Variants in CDKN2B-AS1 observed in about 807,000 individuals in gnomAD.
The protein encoded by CDKN2B-AS1 is CDKN2B and CDKN2A antisense cis and trans regulatory RNA 1.
chr9:22,088,211 T>G (rs1187069839), intron 4 of CDKN2B-AS1, among the ~76,000 whole-genome samples: 1 of 152,118 alleles, frequency 6.6e-6, no homozygotes, highest in East Asian at 1.9e-4. Context: ...GAGAAGGGCT[T>G]AAAGAGCAAT....
chr9:22,048,965 A>T (rs1430846677), intron 2 of CDKN2B-AS1: 3 of 152,230 alleles, frequency 2.0e-5, no homozygotes, highest in Admixed American at 2.0e-4. Flanking sequence ...TATGCTTGCC[A>T]TTCTTTAAGA....
intron 1 of CDKN2B-AS1, chr9:22,031,060 TA>T (rs1006278367): frequency 2.0e-4 from 30 of 152,338 alleles, no homozygotes; most frequent in African/African-American, 5.8e-4. Context: ...TGGGGCATTT[TA>T]TTTTTTATGC....
chr9:22,008,022 T>A (rs918927921), intron 1 of CDKN2B-AS1, among the ~76,000 whole-genome samples: 1 of 152,162 alleles, frequency 6.6e-6, no homozygotes, highest in Non-Finnish European at 1.5e-5. Context: ...ACAAAAGAGT[T>A]GTCCGAGATT....
At chr9:22,012,085 G>A in intron 1 of CDKN2B-AS1, 1 of 679,216 alleles carries the variant, frequency 1.5e-6, no homozygotes. Flanking sequence ...ATATGACCTT[G>A]ATATAGAAGT....
Position 22,015,586 on chromosome 9 carries a change from A to T in CDKN2B-AS1, n.29+20425A>T, listed in dbSNP as rs1169493904. On this transcript the variant is annotated intron_variant and non_coding_transcript_variant, in intron 1 of 4. Transcript: ENST00000650946. ...TGTCATCTAAAAATATTGAATCTTC[A>T]ATTCATTAACATGAATTTATTCCCC... is the stretch of plus-strand genomic sequence containing the variant. Among the ~76,000 whole-genome samples, 9 of 152,120 alleles carry T rather than the reference A, an allele frequency of 5.9e-5. No homozygotes were observed. In the East Asian group the frequency reaches 1.7e-3, roughly 29 times the overall value.
chr9:22,066,382 A>G (rs1199481437), intron 4 of CDKN2B-AS1: 1 of 151,694 alleles, frequency 6.6e-6, no homozygotes, highest in African/African-American at 2.4e-5. Context: ...TTTTGTAGAT[A>G]GAGGTTCTCA....
At position 22,040,036 on chromosome 9, in the gene CDKN2B-AS1, A is replaced by G. The variant is rs1338059038; in HGVS notation, n.30-6715A>G. On this transcript the variant is annotated intron_variant and non_coding_transcript_variant, in intron 1 of 4. Transcript: ENST00000650946. The stretch of plus-strand genomic sequence containing the variant: ...TCACAAAATTAACAGAAGCTACGGA[A>G]GAGACCTTGAATAAATTCTTCCCTG... Among the ~76,000 whole-genome samples, 3 of 152,078 alleles carry G rather than the reference A, an allele frequency of 2.0e-5. No homozygotes were observed. The East Asian group carries it at 5.8e-4, about 29-fold the overall frequency.
chr9:22,074,357 C>T (rs1388218374), intron 4 of CDKN2B-AS1, among the ~76,000 whole-genome samples: 2 of 151,908 alleles, frequency 1.3e-5, no homozygotes, highest in Non-Finnish European at 2.9e-5. Context: ...AAAGTCAAGC[C>T]CAATTTATTT....
intron 4 of CDKN2B-AS1, among the ~76,000 whole-genome samples, chr9:22,086,246 T>C (rs117192166): frequency 2.0e-5 from 3 of 152,322 alleles, no homozygotes; most frequent in Non-Finnish European, 4.4e-5. Flanking sequence ...TCCTCTCTTC[T>C]CATATCTCAG....
At chr9:22,114,358 C>G (rs915024771) in intron 4 of CDKN2B-AS1, among the ~76,000 whole-genome samples, 8 of 152,120 alleles carry the variant, frequency 5.3e-5, no homozygotes, top group Non-Finnish European at 1.2e-4. Flanking sequence ...TGTGTTAGTT[C>G]AGGTCCTCTG....
chr9:22,051,272 T>A (rs1044938135), intron 3 of CDKN2B-AS1, among the ~76,000 whole-genome samples: 1 of 152,198 alleles, frequency 6.6e-6, no homozygotes, highest in African/African-American at 2.4e-5. Flanking sequence ...TTTCTATTTT[T>A]TAAACCCGAG....
rs1377452255 is a variant in CDKN2B-AS1, at chr9:22,006,159, C to T, written n.29+10998C>T. 1 of 1,611,590 alleles carries T rather than the reference C, an allele frequency of 6.2e-7. No homozygotes were observed. The highest frequency in any genetic ancestry group is 1.7e-5 in the Admixed American group (1 of 59,996). ...CTCCCGGGCAGCATCATGCACCGGT[C>T]GGGTGAGAGTGGCAGGGTCTGCGCA... On this transcript the variant is annotated intron_variant and non_coding_transcript_variant, in intron 1 of 4. Transcript: ENST00000650946. This position sits in a 1 kb window ranked among gnomAD's most constrained non-coding sequence, Gnocchi z 6.4.
intron 1 of CDKN2B-AS1, among the ~76,000 whole-genome samples, chr9:22,036,430 T>A (rs574879417): frequency 7.2e-5 from 11 of 152,240 alleles, no homozygotes; most frequent in African/African-American, 2.6e-4. Context: ...GTCATTTTAA[T>A]TCTAGAGGTA....
intron 1 of CDKN2B-AS1, among the ~76,000 whole-genome samples, chr9:22,013,383 G>T (rs1353717472): frequency 6.6e-6 from 1 of 152,068 alleles, no homozygotes; most frequent in African/African-American, 2.4e-5. Flanking sequence ...TTTGAATAAG[G>T]ATTAAAATAA....
At chr9:22,114,409 C>T (rs901426890) in intron 4 of CDKN2B-AS1, among the ~76,000 whole-genome samples, 4 of 152,114 alleles carry the variant, frequency 2.6e-5, no homozygotes, top group East Asian at 3.9e-4. Context: ...GCAAGAGATT[C>T]GCCGAGGTAA....
Position 22,039,700 on chromosome 9 carries a change from C to T in CDKN2B-AS1, n.30-7051C>T, listed in dbSNP as rs1484258964. 6.6e-6 allele frequency among the ~76,000 whole-genome samples: 1 copy of T among 151,926 alleles called. No individual in the cohort carries two copies. Among genetic ancestry groups the T allele is most frequent in the African/African-American group, 2.4e-5 (1 of 41,386 alleles). ...GAGCAATTAGCTATGGCACACTGCA[C>T]GGTTTTTCTGACCTCTCAGCTCCTA... On this transcript the variant is annotated intron_variant and non_coding_transcript_variant, in intron 1 of 4. Transcript: ENST00000650946. The surrounding 1 kb of genome is among the most constrained non-coding windows in gnomAD (Gnocchi z 4.4).
intron 4 of CDKN2B-AS1, among the ~76,000 whole-genome samples, chr9:22,073,785 A>G (rs939659564): frequency 6.6e-6 from 1 of 151,968 alleles, no homozygotes; most frequent in African/African-American, 2.4e-5. Flanking sequence ...TACTATTTCT[A>G]TTTGAGAGTT....
intron 1 of CDKN2B-AS1, chr9:22,004,929 G>A (rs1336002348): frequency 8.6e-6 from 2 of 233,182 alleles, no homozygotes; most frequent in Non-Finnish European, 1.7e-5. Context: ...TTTGCACTGA[G>A]TTTGCAACAG....
At chr9:22,061,544 AAATC>A (rs1305234810) in intron 4 of CDKN2B-AS1, among the ~76,000 whole-genome samples, 1 of 152,212 alleles carries the variant, frequency 6.6e-6, no homozygotes, top group Non-Finnish European at 1.5e-5. Flanking sequence ...TGCATAATCA[AAATC>A]AAGCCTGTTA....
Sources: gnomAD v4.1 joint callset for allele counts (sites outside exome capture counted in the v4.1 genomes callset) on GRCh38, gnomAD v4.1.1 for gene constraint, Gnocchi (gnomAD v3.1) non-coding constraint, MANE v1.5 for transcripts, NCBI Gene and HGNC (gene_info 2026-07-23, HGNC 2026-07-21) for gene names.